Variants in SWT1 observed in about 807,000 individuals in gnomAD.
The protein encoded by SWT1 is transcriptional protein SWT1.
SWT1 carries 33 observed loss-of-function variants against 107.3 expected under a neutral mutation model. The observed-to-expected ratio is 0.31, with a 90% CI of 0.23 to 0.41. SWT1 has a LOEUF of 0.41. Among genes scored for constraint, SWT1 ranks in the 10% least tolerant of loss-of-function variants. The pLI is 1.00. For synonymous variants in SWT1, 345 were observed against 348.3 expected, an observed-to-expected ratio of 0.99 and a Z score of 0.11; for missense variants, 898 against 1,028.9, an observed-to-expected ratio of 0.87 and a Z score of 1.74.
chr1:185,247,426 A>T (rs540385631), intron 16 of SWT1, among the ~76,000 whole-genome samples: 2 of 152,280 alleles, frequency 1.3e-5, no homozygotes, highest in East Asian at 3.9e-4. Flanking sequence ...GGACAAATGG[A>T]CTGTTGATGC....
intron 18 of SWT1, chr1:185,280,999 T>C: frequency 2.7e-6 from 1 of 365,852 alleles, no homozygotes; most frequent in South Asian, 2.5e-5. Context: ...TGTCCAAGAG[T>C]TTTCAGTCCC....
intron 18 of SWT1, chr1:185,281,351 T>A (rs775385063): frequency 4.2e-6 from 1 of 236,264 alleles, no homozygotes; most frequent in Non-Finnish European, 8.6e-6. Flanking sequence ...ACAAAAACAT[T>A]TGAGCATGTG....
chr1:185,278,043 C>T (rs904423084), intron 18 of SWT1, among the ~76,000 whole-genome samples: 2 of 151,758 alleles, frequency 1.3e-5, no homozygotes, highest in Non-Finnish European at 2.9e-5. Flanking sequence ...AGGGTGGTCT[C>T]GAACTCCTGG....
At chr1:185,200,332 G>A (rs1054934596) in intron 10 of SWT1, among the ~76,000 whole-genome samples, 3 of 151,842 alleles carry the variant, frequency 2.0e-5, no homozygotes, top group African/African-American at 7.3e-5. Context: ...AAGGCATTGT[G>A]GTTTTGGAAT....
chr1:185,177,486 T>C (rs536604379), intron 5 of SWT1, among the ~76,000 whole-genome samples: 42 of 152,340 alleles, frequency 2.8e-4, no homozygotes, highest in African/African-American at 9.6e-4. Context: ...TGTTCTCAGA[T>C]AGCAGCATTA....
intron 15 of SWT1, among the ~76,000 whole-genome samples, chr1:185,231,264 T>C (rs1660488298): frequency 6.6e-6 from 1 of 152,240 alleles, no homozygotes; most frequent in Non-Finnish European, 1.5e-5. Context: ...TCCTGAGTAC[T>C]GACTTGAATG....
intron 4 of SWT1, among the ~76,000 whole-genome samples, chr1:185,169,930 T>C (rs897718186): frequency 6.6e-6 from 1 of 152,132 alleles, no homozygotes; most frequent in African/African-American, 2.4e-5. Flanking sequence ...TATTGATGCC[T>C]CAGTGAAGTC....
rs181774665 is a variant in SWT1, at chr1:185,165,337, A to G, written c.85-1235A>G. Among the ~76,000 whole-genome samples, 6 of 152,338 alleles carry G rather than the reference A, an allele frequency of 3.9e-5. No individual in the cohort carries two copies. In the East Asian group the frequency reaches 1.2e-3, roughly 29 times the overall value. Reference sequence around the variant, plus strand: ...ACACAGAGACATGAAGTGAGCACATACTGTTGGAAAAATGGTGCTAATAGA... The same window carrying G: ...ACACAGAGACATGAAGTGAGCACATGCTGTTGGAAAAATGGTGCTAATAGA... On this transcript the variant is annotated intron_variant, in intron 2 of 18. Coordinates refer to ENST00000367500, the MANE Select transcript of SWT1 (RefSeq NM_017673.7).
intron 13 of SWT1, among the ~76,000 whole-genome samples, chr1:185,212,249 A>G (rs975724877): frequency 6.6e-6 from 1 of 152,194 alleles, no homozygotes; most frequent in East Asian, 1.9e-4. Context: ...ATCTCTTTTC[A>G]TATCTTTTAC....
intron 16 of SWT1, among the ~76,000 whole-genome samples, chr1:185,241,050 G>A (rs1661223865): frequency 6.6e-6 from 1 of 151,964 alleles, no homozygotes; most frequent in African/African-American, 2.4e-5. Context: ...TATATTGATA[G>A]TTGACCTCTT....
intron 4 of SWT1, chr1:185,171,664 C>T: frequency 2.2e-6 from 1 of 450,952 alleles, no homozygotes. Flanking sequence ...GAACCTGCTT[C>T]TTTTTTTTTT....
intron 18 of SWT1, among the ~76,000 whole-genome samples, chr1:185,283,070 G>GA (rs1334922590): frequency 6.6e-6 from 1 of 152,166 alleles, no homozygotes; most frequent in Non-Finnish European, 1.5e-5. Context: ...TGAGGTTCAG[G>GA]AAAGTCCCAA....
intron 1 of SWT1, among the ~76,000 whole-genome samples, chr1:185,158,632 G>A (rs542534010): frequency 2.0e-5 from 3 of 152,062 alleles, no homozygotes; most frequent in South Asian, 2.1e-4. Context: ...GATTAAAAGG[G>A]TCAGATTTTA....
At chr1:185,279,410 T>A (rs1185668894) in intron 18 of SWT1, among the ~76,000 whole-genome samples, 1 of 151,956 alleles carries the variant, frequency 6.6e-6, no homozygotes, top group African/African-American at 2.4e-5. Flanking sequence ...AGTTGTACTA[T>A]TTTTTTTCTT....
intron 2 of SWT1, among the ~76,000 whole-genome samples, chr1:185,165,396 A>G (rs957452620): frequency 6.6e-6 from 1 of 152,192 alleles, no homozygotes. Flanking sequence ...AAATAATGCA[A>G]TTATCTATGA....
intron 18 of SWT1, among the ~76,000 whole-genome samples, chr1:185,277,912 T>C (rs192535912): frequency 1.3e-3 from 201 of 152,322 alleles, no homozygotes; most frequent in African/African-American, 4.5e-3. Context: ...TACTTTTTTT[T>C]CCAAAATGAT....
In SWT1 at chr1:185,195,978, C is replaced by A. The variant is rs1460620304; in HGVS notation, c.1523+5336C>A. On this transcript the variant is annotated intron_variant, in intron 10 of 18. Transcript: ENST00000367500. ...CCTGATGATAGTTTCTTTTGCTGTG[C>A]AGAAGCTCTTTAGTTTAATTAGATC... 3.3e-5 allele frequency among the ~76,000 whole-genome samples: 5 copies of A among 152,284 alleles called. No homozygotes were observed. In the East Asian group the frequency reaches 7.7e-4, roughly 23 times the overall value.
chr1:185,176,952 C>T (rs1014128495), intron 5 of SWT1: 1 of 862,192 alleles, frequency 1.2e-6, no homozygotes, highest in Non-Finnish European at 1.4e-6. Context: ...CCACTGCACT[C>T]CAGCCTGGGC....
chr1:185,243,693 A>G (rs1661403776), intron 16 of SWT1, among the ~76,000 whole-genome samples: 1 of 152,328 alleles, frequency 6.6e-6, no homozygotes, highest in South Asian at 2.1e-4. Context: ...GAATCAACAT[A>G]TACACTTTCT....
Sources: gnomAD v4.1 joint callset for allele counts (sites outside exome capture counted in the v4.1 genomes callset) on GRCh38, gnomAD v4.1.1 for gene constraint, MANE v1.5 for transcripts, NCBI Gene and HGNC (gene_info 2026-07-23, HGNC 2026-07-21) for gene names.